CCSER2: variants seen among roughly 807,000 people sequenced by gnomAD.
CCSER2 encodes the protein coiled-coil serine rich protein 2.
A neutral mutation model predicts 92.3 loss-of-function variants in CCSER2; 46 were observed. The ratio of observed to expected loss-of-function variants is 0.50; its 90% CI spans 0.39 to 0.64. The LOEUF is 0.64. Among genes scored for constraint, CCSER2 ranks in the 30% least tolerant of loss-of-function variants. The pLI is 0.00. For synonymous variants in CCSER2, 433 were observed against 431.4 expected (o/e 1.00, Z -0.04); for missense variants, 1,244 against 1,238.9 (o/e 1.00, Z -0.06).
At chr10:84,446,797 ATC>A (rs1478960076) in intron 6 of CCSER2, among the ~76,000 whole-genome samples, 1 of 151,640 alleles carries the variant, frequency 6.6e-6, no homozygotes, top group Non-Finnish European at 1.5e-5. Context: ...CATTTTTACC[ATC>A]TGTGTTTGTA....
At position 84,349,236 on chromosome 10, in the gene CCSER2, T is replaced by C. The variant is rs145139082; in HGVS notation, c.-40+20428T>C. On this transcript the variant is annotated intron_variant, in intron 1 of 9. Coordinates refer to ENST00000372088, the MANE Select transcript of CCSER2 (RefSeq NM_001284240.2). ...CCACATCCATGCCTCCCACAAACCT[T>C]CCTGTCGCAGAAAATGACAGCACAA... is the stretch of plus-strand genomic sequence containing the variant. Among the ~76,000 whole-genome samples the C allele has an allele frequency of 1.1e-3, 170 of 152,228 alleles. 1 individual carries two copies. The highest frequency in any genetic ancestry group is 3.9e-3 in the African/African-American group (162 of 41,528).
intron 6 of CCSER2, among the ~76,000 whole-genome samples, chr10:84,447,202 T>C (rs1019349886): frequency 7.2e-5 from 11 of 152,262 alleles, no homozygotes; most frequent in African/African-American, 1.2e-4. Context: ...CAGTCTTTTT[T>C]ACTCCCCTCA....
At chr10:84,450,833 A>G (rs1432336168) in intron 6 of CCSER2, among the ~76,000 whole-genome samples, 1 of 152,120 alleles carries the variant, frequency 6.6e-6, no homozygotes, top group Admixed American at 6.5e-5. Flanking sequence ...AATTATGAGA[A>G]TGATGTGTTG....
At position 84,508,703 on chromosome 10, in the gene CCSER2, T is replaced by C. The variant is rs758049480; in HGVS notation, c.2326-4746T>C. Among the ~76,000 whole-genome samples the C allele has an allele frequency of 5.9e-5, 9 of 152,120 alleles. No homozygotes were observed. In the South Asian group the frequency reaches 1.2e-3, roughly 21 times the overall value. ...ATGCTTGATGTGGATTCAAAACTTA[T>C]AGATAGTGTTGACATTATTGAACTA... On this transcript the variant is annotated intron_variant, in intron 9 of 9. Transcript: ENST00000372088.
intron 3 of CCSER2, 133 bp from the exon 4 acceptor site, chr10:84,417,638 G>T (rs1842948611): frequency 2.2e-6 from 1 of 463,822 alleles, no homozygotes; most frequent in Admixed American, 3.8e-5. Context: ...TAAAAAACTT[G>T]AAAACCTATT....
At position 84,439,181 on chromosome 10, in the gene CCSER2, G is replaced by GT. The variant is rs1275359721; in HGVS notation, c.2064+485dup. Among the ~76,000 whole-genome samples the GT allele has an allele frequency of 7.3e-3, 845 of 116,004 alleles. 1 individual carries two copies. Among genetic ancestry groups the GT allele is most frequent in the African/African-American group, 0.019 (616 of 32,714 alleles). 76.1% of individuals were successfully genotyped at this position (116,004 alleles called of 152,430 possible). On this transcript the variant is annotated intron_variant, in intron 6 of 9. Transcript: ENST00000372088. ...GGATCTTCAAGTTTAATCTTCTCCTGTTTTTTTTTTTCTTTTCTTTTTTTT... is the reference window on the plus strand; with the variant it reads ...GGATCTTCAAGTTTAATCTTCTCCTGTTTTTTTTTTTTCTTTTCTTTTTTTT...
rs773087258 is a variant in CCSER2 at position 84,371,732 on chromosome 10, C to A, written c.680C>A (p.Ser227Tyr). The change falls in exon 2 of 10, where the codon TCC becomes TAC. Residue 227 changes from serine to tyrosine, a missense_variant. Physicochemically the swap from Ser to Tyr is moderately radical, Grantham distance 144. Coordinates refer to ENST00000372088, the MANE Select transcript of CCSER2 (RefSeq NM_001284240.2). ...KMVRSQSFSH[S>Y]IQNSFLPPSS... is the part of the protein sequence containing the mutation. Reference sequence around the variant, plus strand: ...GTAAGGTCACAAAGTTTTTCACATTCCATTCAGAATTCATTCCTTCCACCT... The same window carrying A: ...GTAAGGTCACAAAGTTTTTCACATTACATTCAGAATTCATTCCTTCCACCT... 13 of 1,613,372 alleles carry A rather than the reference C, an allele frequency of 8.1e-6. No homozygotes were observed. The highest frequency in any genetic ancestry group is 1.6e-4 in the Middle Eastern group (1 of 6,062).
chr10:84,467,412 C>G (rs1846509998), intron 7 of CCSER2, among the ~76,000 whole-genome samples: 1 of 152,088 alleles, frequency 6.6e-6, no homozygotes, highest in Non-Finnish European at 1.5e-5. Flanking sequence ...ATTGTATGTC[C>G]CACCCATAAG....
At chr10:84,421,785 C>T (rs190226495) in intron 4 of CCSER2, among the ~76,000 whole-genome samples, 4 of 152,230 alleles carry the variant, frequency 2.6e-5, no homozygotes, top group South Asian at 2.1e-4. Context: ...GTACATGACA[C>T]GGGATTCTTC....
chr10:84,477,640 C>A lies in CCSER2; in HGVS notation c.2301C>A (p.Thr767=). 6.2e-7 allele frequency: 1 copy of A among 1,606,608 alleles called. No individual in the cohort carries two copies. The highest frequency in any genetic ancestry group is 8.5e-7 in the Non-Finnish European group (1 of 1,174,130). Residue 767 remains threonine (T), a synonymous_variant, in exon 9 of 10, where the codon ACC becomes ACA. Transcript: ENST00000372088. ...EEKCTYADKY[T]QTPWRRIPPQ... ...AATGCACTTATGCTGATAAATATAC[C>A]CAAACACCCTGGAGACGAATTCCTG...
chr10:84,379,426 T>A (rs1840772761), intron 3 of CCSER2, among the ~76,000 whole-genome samples: 1 of 152,136 alleles, frequency 6.6e-6, no homozygotes, highest in South Asian at 2.1e-4. Flanking sequence ...TTATTTCCTT[T>A]CTTCTACTTT....
intron 1 of CCSER2, among the ~76,000 whole-genome samples, chr10:84,335,125 C>T (rs1330019576): frequency 2.0e-5 from 3 of 151,588 alleles, no homozygotes; most frequent in Non-Finnish European, 2.9e-5. Flanking sequence ...GGGTTTTGGT[C>T]CTTCTGTGAT....
chr10:84,506,561 A>G (rs1011070480), intron 9 of CCSER2, among the ~76,000 whole-genome samples: 3 of 152,188 alleles, frequency 2.0e-5, no homozygotes, highest in Non-Finnish European at 2.9e-5. Flanking sequence ...TGGGAGGCCA[A>G]GGTGGGTGGA....
intron 3 of CCSER2, among the ~76,000 whole-genome samples, chr10:84,384,202 G>A (rs984133278): frequency 6.6e-6 from 1 of 152,104 alleles, no homozygotes; most frequent in East Asian, 1.9e-4. Flanking sequence ...GCATGCAAGA[G>A]AGCTGGCATC....
At chr10:84,443,779 T>G (rs925157784) in intron 6 of CCSER2, among the ~76,000 whole-genome samples, 2 of 152,156 alleles carry the variant, frequency 1.3e-5, no homozygotes, top group African/African-American at 4.8e-5. Context: ...AAAGAAAATG[T>G]GGCATATATA....
intron 5 of CCSER2, among the ~76,000 whole-genome samples, chr10:84,429,691 C>T (rs1843655641): frequency 6.9e-6 from 1 of 145,726 alleles, no homozygotes; most frequent in South Asian, 2.2e-4. Context: ...TAATGCGCCT[C>T]TCTTTTAGTT....
At chr10:84,510,298 A>G (rs1453147345) in intron 9 of CCSER2, among the ~76,000 whole-genome samples, 1 of 152,132 alleles carries the variant, frequency 6.6e-6, no homozygotes, top group Non-Finnish European at 1.5e-5. Context: ...GTTAAAACTC[A>G]GGGCAGATTG....
chr10:84,337,445 T>C (rs1843900942), intron 1 of CCSER2, among the ~76,000 whole-genome samples: 1 of 152,202 alleles, frequency 6.6e-6, no homozygotes, highest in Non-Finnish European at 1.5e-5. Flanking sequence ...TGAAAATCAT[T>C]GGTGACCTTA....
intron 6 of CCSER2, among the ~76,000 whole-genome samples, chr10:84,457,583 A>C (rs1417998676): frequency 8.4e-5 from 1 of 11,976 alleles, no homozygotes; most frequent in Admixed American, 7.3e-4. Flanking sequence ...TTTATATATT[A>C]TATATAATTA....
Sources: gnomAD v4.1 joint callset for allele counts (sites outside exome capture counted in the v4.1 genomes callset) on GRCh38, gnomAD v4.1.1 for gene constraint, MANE v1.5 for transcripts, NCBI Gene and HGNC (gene_info 2026-07-23, HGNC 2026-07-21) for gene names.